GCC2: variants seen among roughly 807,000 people sequenced by gnomAD.
GCC2 encodes GRIP and coiled-coil domain containing 2, also known as GRIP and coiled-coil domain-containing protein 2.
A neutral mutation model predicts 210.6 loss-of-function variants in GCC2; 120 were observed. The observed-to-expected ratio is 0.57, with a 90% CI of 0.49 to 0.66. GCC2 has a LOEUF of 0.66. Ranked by LOEUF, GCC2 falls within the 30% of genes least tolerant of loss-of-function variation. The pLI is 0.00. For missense variants in GCC2, 1,868 were observed against 1,871.9 expected, an observed-to-expected ratio of 1.00 and a Z score of 0.04; for synonymous variants, 703 against 652.7, an observed-to-expected ratio of 1.08 and a Z score of -1.17.
chr2:108,449,594 AGAGTTCTTCT>A, intron 1 of GCC2, 29 bp from the exon 2 acceptor site: 1 of 1,592,326 alleles, frequency 6.3e-7, no homozygotes, highest in African/African-American at 1.3e-5. Context: ...AATTAGGAAA[AGAGTTCTTCT>A]GACACCTGGG....
chr2:108,505,676 A>T (rs1167143628), intron 22 of GCC2, among the ~76,000 whole-genome samples: 1 of 151,868 alleles, frequency 6.6e-6, no homozygotes, highest in Non-Finnish European at 1.5e-5. Flanking sequence ...GTTTGGAAGT[A>T]GATTCTTCTC....
At chr2:108,451,871 C>T (rs1396352193) in intron 3 of GCC2, among the ~76,000 whole-genome samples, 2 of 136,516 alleles carry the variant, frequency 1.5e-5, no homozygotes, top group African/African-American at 5.6e-5. Context: ...AAGACGGAGT[C>T]TCGCTCTTCT....
chr2:108,474,093 G>C (rs1486247562), intron 7 of GCC2, among the ~76,000 whole-genome samples: 1 of 152,120 alleles, frequency 6.6e-6, no homozygotes, highest in Non-Finnish European at 1.5e-5. Context: ...GGGAGGCAGA[G>C]CTTGCAGTGA....
Position 108,483,100 on chromosome 2 carries a change from G to T in GCC2, c.3384G>T (p.Gln1128His). Residue 1128 changes from glutamine to histidine, a missense_variant, in exon 12 of 23, where the codon CAG becomes CAT. Transcript: ENST00000309863. Reference sequence around the variant, plus strand: ...CTGTAAATGAACTTGAAGAACTTCAGGTACAACTTCAAAAGCAAAAGAAAC... The same window carrying T: ...CTGTAAATGAACTTGAAGAACTTCATGTACAACTTCAAAAGCAAAAGAAAC... The part of the protein sequence containing the change: ...ATTVNELEEL[Q>H]VQLQKQKKQL... 1 of 1,595,558 alleles carries T rather than the reference G, an allele frequency of 6.3e-7. No individual in the cohort carries two copies. Among genetic ancestry groups the T allele is most frequent in the Non-Finnish European group, 8.6e-7 (1 of 1,163,524 alleles).
At chr2:108,474,794 A>G (rs1681423020) in intron 7 of GCC2, 1 of 152,164 alleles carries the variant, frequency 6.6e-6, no homozygotes, top group Non-Finnish European at 1.5e-5. Context: ...AATAGGAAAA[A>G]ATCGACTAGA....
chr2:108,485,516 A>G (rs961878215), intron 13 of GCC2, 120 bp from the exon 14 acceptor site: 9 of 583,952 alleles, frequency 1.5e-5, no homozygotes, highest in East Asian at 5.7e-5. Flanking sequence ...GAAGTATTCC[A>G]TAATAAAAAG....
intron 4 of GCC2, among the ~76,000 whole-genome samples, chr2:108,464,946 C>G (rs553550629): frequency 6.6e-6 from 1 of 152,284 alleles, no homozygotes; most frequent in African/African-American, 2.4e-5. Flanking sequence ...ATGGCGAAAG[C>G]AGGAGCAAGT....
Position 108,475,095 on chromosome 2 carries a change from T to A in GCC2, c.2861-440T>A, listed in dbSNP as rs546763127. On this transcript the variant is annotated intron_variant, in intron 7 of 22. Coordinates refer to ENST00000309863, the MANE Select transcript of GCC2 (RefSeq NM_181453.4). ...TCAATATTGGATAGGTAAAACATATTACAGGTTTCGTTGTGAAAATCAGAC... is the reference window on the plus strand; with the variant it reads ...TCAATATTGGATAGGTAAAACATATAACAGGTTTCGTTGTGAAAATCAGAC... 249 of 153,832 alleles carry A rather than the reference T, an allele frequency of 1.6e-3. No homozygotes were observed. In the Middle Eastern group the frequency reaches 0.03, roughly 19 times the overall value. 9.5% of individuals were successfully genotyped at this position (153,832 alleles called of 1,614,324 possible). A position where few individuals can be genotyped will look rare whatever the true frequency, so the allele number is the denominator to read the frequency against.
At position 108,484,131 on chromosome 2, in the gene GCC2, T is replaced by C; in HGVS notation, c.3451-18T>C. 6.5e-7 allele frequency: 1 copy of C among 1,538,876 alleles called. No individual in the cohort carries two copies. Among genetic ancestry groups the C allele is most frequent in the South Asian group, 1.2e-5 (1 of 80,844 alleles). On this transcript the variant is annotated intron_variant, in intron 12 of 22. Transcript: ENST00000309863. Reference sequence around the variant, plus strand: ...CTGATCTACTATTGTGTAAATCTTTTACTTATAAAATGTGCAGGATGCCCA... The same window carrying C: ...CTGATCTACTATTGTGTAAATCTTTCACTTATAAAATGTGCAGGATGCCCA...
chr2:108,471,331 A>G lies in GCC2; in HGVS notation c.2002A>G (p.Lys668Glu), dbSNP rs752293612. 1.9e-6 allele frequency: 3 copies of G among 1,612,140 alleles called. No homozygotes were observed. The highest frequency in any genetic ancestry group is 3.3e-5 in the Admixed American group (2 of 59,748). Reference protein sequence around the residue: ...EKDQNDQKLEKLMVQMKVLSE... With the variant: ...EKDQNDQKLEELMVQMKVLSE... ...GGATCAAAATGACCAAAAACTAGAA[A>G]AACTTATGGTTCAAATGAAAGTTCT... The change falls in exon 6 of 23, where the codon AAA becomes GAA. Residue 668 changes from lysine to glutamate, a missense_variant. Transcript: ENST00000309863.
In GCC2 at chr2:108,487,683, CT is replaced by C; in HGVS notation, c.3931-12del. On this transcript the variant is annotated splice_polypyrimidine_tract_variant and intron_variant, in intron 16 of 22. Transcript: ENST00000309863. Reference sequence around the variant, plus strand: ...TGTTACAGTAGAAAAACGTTTCTCTCTTTTAAATGTTATAGGCAGAACAAGC... The same window carrying C: ...TGTTACAGTAGAAAAACGTTTCTCTCTTTAAATGTTATAGGCAGAACAAGC... The C allele has an allele frequency of 3.1e-6, 5 of 1,596,806 alleles. No individual in the cohort carries two copies. Among genetic ancestry groups the C allele is most frequent in the Non-Finnish European group, 4.3e-6 (5 of 1,174,424 alleles).
chr2:108,471,242 A>G lies in GCC2; in HGVS notation c.1913A>G (p.Asn638Ser). The stretch of plus-strand genomic sequence containing the variant: ...AAAGTAGAGCAAACAATCCAGTACA[A>G]CAGTGAACTAGAACAAAAGGTAAAT... Reference protein sequence around the residue: ...GKKVEQTIQYNSELEQKVNEL... With the variant: ...GKKVEQTIQYSSELEQKVNEL... Residue 638 changes from asparagine to serine, a missense_variant, in exon 6 of 23, where the codon AAC (asparagine) becomes AGC (serine). Physicochemically the swap from Asn to Ser is conservative, Grantham distance 46. Coordinates refer to ENST00000309863, the MANE Select transcript of GCC2 (RefSeq NM_181453.4). 1 of 1,609,024 alleles carries G rather than the reference A, an allele frequency of 6.2e-7. No individual in the cohort carries two copies. Among genetic ancestry groups the G allele is most frequent in the South Asian group, 1.1e-5 (1 of 89,656 alleles).
intron 18 of GCC2, 129 bp downstream of exon 18, chr2:108,490,143 A>T: frequency 4.4e-6 from 3 of 681,840 alleles, no homozygotes; most frequent in Non-Finnish European, 6.7e-6. Flanking sequence ...AAAGGCTTGG[A>T]AACTTTGCTT....
chr2:108,483,623 T>G (rs976767108), intron 12 of GCC2, among the ~76,000 whole-genome samples: 3 of 152,190 alleles, frequency 2.0e-5, no homozygotes, highest in African/African-American at 7.2e-5. Flanking sequence ...CTCAAAAAAT[T>G]GGAAATTTAA....
intron 9 of GCC2, among the ~76,000 whole-genome samples, chr2:108,478,451 T>C (rs997111347): frequency 1.3e-5 from 2 of 152,180 alleles, no homozygotes; most frequent in African/African-American, 4.8e-5. Flanking sequence ...TTGGAGTTTG[T>C]TAATTTGGCT....
Position 108,495,499 on chromosome 2 carries a change from T to A in GCC2, c.4642+14T>A, listed in dbSNP as rs529045908. On this transcript the variant is annotated intron_variant, in intron 20 of 22. Coordinates refer to ENST00000309863, the MANE Select transcript of GCC2 (RefSeq NM_181453.4). ...AAACTAAACTTGGTATGTTACTCTGTCTAAATATGTTTTTCTTATTTAATT... is the reference window on the plus strand; with the variant it reads ...AAACTAAACTTGGTATGTTACTCTGACTAAATATGTTTTTCTTATTTAATT... 6.5e-7 allele frequency: 1 copy of A among 1,528,130 alleles called. No homozygotes were observed. Among genetic ancestry groups the A allele is most frequent in the Non-Finnish European group, 8.9e-7 (1 of 1,128,250 alleles). 94.7% of individuals were successfully genotyped at this position (1,528,130 alleles called of 1,614,324 possible). A position where few individuals can be genotyped will look rare whatever the true frequency, so the allele number is the denominator to read the frequency against.
At chr2:108,499,928 A>T (rs1312607553) in intron 22 of GCC2, among the ~76,000 whole-genome samples, 174 bp downstream of exon 22, 1 of 152,230 alleles carries the variant, frequency 6.6e-6, no homozygotes. Flanking sequence ...TCTTGAGGCA[A>T]CTGTAGTACA....
Position 108,469,815 on chromosome 2 carries a change from G to A in GCC2, c.486G>A (p.Thr162=), listed in dbSNP as rs755917409. The part of the protein sequence containing the change: ...LQKQLEEAMN[T]QLELSEQLKF... The stretch of plus-strand genomic sequence containing the variant: ...AGCAGCTGGAAGAAGCAATGAATAC[G>A]CAATTAGAACTTTCAGAACAACTTA... The change falls in exon 6 of 23, where the codon ACG becomes ACA. Residue 162 remains threonine, a synonymous_variant. Transcript: ENST00000309863. 15 of 1,613,600 alleles carry A rather than the reference G, an allele frequency of 9.3e-6. No homozygotes were observed. Among genetic ancestry groups the A allele is most frequent in the East Asian group, 4.5e-5 (2 of 44,848 alleles).
At chr2:108,487,471 T>G (rs1682200507) in intron 16 of GCC2, among the ~76,000 whole-genome samples, 1 of 152,208 alleles carries the variant, frequency 6.6e-6, no homozygotes, top group South Asian at 2.1e-4. Context: ...AAATATCACA[T>G]GCACCCCATA....
Sources: allele counts gnomAD v4.1 joint callset (sites outside exome capture counted in the v4.1 genomes callset), GRCh38; gene constraint gnomAD v4.1.1; transcripts MANE v1.5; gene names NCBI Gene and HGNC (gene_info 2026-07-23, HGNC 2026-07-21).